Variants in KCNMB2 observed in about 807,000 individuals in gnomAD.
KCNMB2 encodes calcium-activated potassium channel subunit beta-2.
KCNMB2 carries 9 observed loss-of-function variants against 24.5 expected under a neutral mutation model. The ratio of observed to expected loss-of-function variants is 0.37; its 90% confidence interval spans 0.22 to 0.64. The LOEUF is 0.64. Among genes scored for constraint, KCNMB2 ranks in the 30% least tolerant of loss-of-function variants. The pLI is 0.63. For synonymous variants in KCNMB2, 109 were observed against 104.4 expected, an observed-to-expected ratio of 1.04 and a Z score of -0.27; for missense variants, 226 against 284.3, an observed-to-expected ratio of 0.79 and a Z score of 1.47.
At chr3:178,803,349 T>C (rs942019658) in intron 1 of KCNMB2, among the ~76,000 whole-genome samples, 3 of 152,128 alleles carry the variant, frequency 2.0e-5, no homozygotes, top group Non-Finnish European at 4.4e-5. Flanking sequence ...ATGAAAGGGA[T>C]AGATGGAGCT....
chr3:178,818,252 A>T (rs1714484701), intron 2 of KCNMB2, among the ~76,000 whole-genome samples: 1 of 152,120 alleles, frequency 6.6e-6, no homozygotes, highest in Non-Finnish European at 1.5e-5. Flanking sequence ...GCCCAGATCT[A>T]AATCTATTTG....
intron 1 of KCNMB2, among the ~76,000 whole-genome samples, chr3:178,654,285 A>T (rs980666225): frequency 6.6e-6 from 1 of 152,032 alleles, no homozygotes; most frequent in African/African-American, 2.4e-5. Context: ...AACGAAGGAG[A>T]TTTTGGTTTC....
chr3:178,635,227 C>T (rs1384655788), intron 1 of KCNMB2, among the ~76,000 whole-genome samples: 1 of 152,106 alleles, frequency 6.6e-6, no homozygotes, highest in Non-Finnish European at 1.5e-5. Flanking sequence ...CTTTACCAAC[C>T]TGCTTGAACT....
At chr3:178,840,058 G>A (rs1447929975) in intron 4 of KCNMB2, among the ~76,000 whole-genome samples, 1 of 152,142 alleles carries the variant, frequency 6.6e-6, no homozygotes, top group African/African-American at 2.4e-5. Context: ...TTACTTCCAA[G>A]ATACAATGGG....
intron 1 of KCNMB2, among the ~76,000 whole-genome samples, chr3:178,721,390 G>C (rs534959772): frequency 5.3e-5 from 8 of 152,250 alleles, no homozygotes; most frequent in African/African-American, 1.9e-4. Flanking sequence ...ATTTGCTCTT[G>C]TTGTTGTTTG....
chr3:178,761,732 C>G (rs1243429068), intron 1 of KCNMB2, among the ~76,000 whole-genome samples: 1 of 152,110 alleles, frequency 6.6e-6, no homozygotes, highest in Non-Finnish European at 1.5e-5. Context: ...GGGAGCTATG[C>G]CAAGCACTGA....
At position 178,675,138 on chromosome 3, in the gene KCNMB2, T is replaced by C. The variant is rs1193575558; in HGVS notation, c.-67-132205T>C. Among the ~76,000 whole-genome samples the C allele has an allele frequency of 2.0e-5, 3 of 152,354 alleles. No homozygotes were observed. In the East Asian group the frequency reaches 5.8e-4, roughly 29 times the overall value. ...ATGTCTGTAAATGTTGAATGAAAGA[T>C]AATATAGTTTTAAAATATAATTTTG... is the stretch of plus-strand genomic sequence containing the variant. On this transcript the variant is annotated intron_variant, in intron 1 of 4. Transcript: ENST00000452583.
chr3:178,757,500 GGAT>G (rs199688672), intron 1 of KCNMB2, among the ~76,000 whole-genome samples: 1 of 46,214 alleles, frequency 2.2e-5, no homozygotes, highest in Non-Finnish European at 3.8e-5. Context: ...ATATCCAAGA[GGAT>G]ATATATATAT....
intron 1 of KCNMB2, among the ~76,000 whole-genome samples, chr3:178,628,717 C>A (rs553589885): frequency 2.0e-5 from 3 of 152,162 alleles, no homozygotes; most frequent in Non-Finnish European, 2.9e-5. Context: ...ATATTAAGGA[C>A]CACTGTGTAG....
intron 1 of KCNMB2, among the ~76,000 whole-genome samples, chr3:178,744,716 GA>G (rs11434181): frequency 1.9e-4 from 27 of 145,312 alleles, no homozygotes; most frequent in South Asian, 4.4e-4. Flanking sequence ...TGTGGGATCC[GA>G]AAAAAAAAAA....
Position 178,614,811 on chromosome 3 carries a change from T to C in KCNMB2, c.-68+78100T>C, listed in dbSNP as rs111845352. Among the ~76,000 whole-genome samples, 253 of 152,340 alleles carry C rather than the reference T, an allele frequency of 1.7e-3. 1 individual carries two copies. The highest frequency in any genetic ancestry group is 3.0e-3 in the Non-Finnish European group (206 of 68,024). ...TTCATTTGGTGAGTTCATGTTTTCATGGATGGTATTGATGATAGTAGATGT... is the reference window on the plus strand; with the variant it reads ...TTCATTTGGTGAGTTCATGTTTTCACGGATGGTATTGATGATAGTAGATGT... On this transcript the variant is annotated intron_variant, in intron 1 of 4. Coordinates refer to ENST00000452583, the MANE Select transcript of KCNMB2 (RefSeq NM_181361.3).
chr3:178,793,024 AAC>A (rs1430475138), intron 1 of KCNMB2, among the ~76,000 whole-genome samples: 1 of 152,150 alleles, frequency 6.6e-6, no homozygotes, highest in Non-Finnish European at 1.5e-5. Flanking sequence ...CAGCCCAGTA[AAC>A]ACAGCCACAA....
At chr3:178,592,829 G>A (rs557884424) in intron 1 of KCNMB2, among the ~76,000 whole-genome samples, 1 of 152,174 alleles carries the variant, frequency 6.6e-6, no homozygotes, top group East Asian at 1.9e-4. Context: ...GAATTTCTGT[G>A]AGAAGGGCCC....
At chr3:178,759,784 ATATATATATATATCCAAGAGGATATATC>A (rs1711664880) in intron 1 of KCNMB2, among the ~76,000 whole-genome samples, 1 of 35,950 alleles carries the variant, frequency 2.8e-5, no homozygotes, top group Admixed American at 3.7e-4. Context: ...GGATATATCT[ATATATATATATATCCAAGAGGATATATC>A]TATATATATA....
At chr3:178,665,280 G>T (rs1404384153) in intron 1 of KCNMB2, among the ~76,000 whole-genome samples, 1 of 152,040 alleles carries the variant, frequency 6.6e-6, no homozygotes, top group East Asian at 1.9e-4. Flanking sequence ...GAGAAGAGAG[G>T]TTCATGTGCT....
intron 1 of KCNMB2, among the ~76,000 whole-genome samples, chr3:178,611,211 CT>C (rs1274227394): frequency 6.6e-6 from 1 of 152,100 alleles, no homozygotes; most frequent in Non-Finnish European, 1.5e-5. Context: ...TTGTATGTAT[CT>C]AGAGATTTGT....
intron 1 of KCNMB2, among the ~76,000 whole-genome samples, chr3:178,767,617 T>TTATG (rs532528943): frequency 6.6e-6 from 1 of 152,312 alleles, no homozygotes; most frequent in South Asian, 2.1e-4. Flanking sequence ...GAGTGTAAAA[T>TTATG]GCTCAAAAGA....
At chr3:178,751,573 CAAAAAAAAAAAAAAAAAAA>C (rs61148761) in intron 1 of KCNMB2, among the ~76,000 whole-genome samples, 5 of 47,712 alleles carry the variant, frequency 1.0e-4, no homozygotes, top group East Asian at 9.8e-4. Flanking sequence ...GACTCCGTCT[CAAAAAAAAAAAAAAAAAAA>C]AAAAAAAAAA....
intron 1 of KCNMB2, among the ~76,000 whole-genome samples, chr3:178,689,265 T>C (rs1306221865): frequency 2.0e-5 from 3 of 152,214 alleles, no homozygotes; most frequent in Non-Finnish European, 4.4e-5. Context: ...CCATATTTTT[T>C]ATCTCATTTT....
Sources: gnomAD v4.1 joint callset for allele counts (sites outside exome capture counted in the v4.1 genomes callset) on GRCh38, gnomAD v4.1.1 for gene constraint, MANE v1.5 for transcripts, NCBI Gene and HGNC (gene_info 2026-07-23, HGNC 2026-07-21) for gene names.